The following SLC41A2 variants were observed in gnomAD, a reference collection of about 807,000 sequenced individuals.
SLC41A2 encodes solute carrier family 41 member 2, also known as SLC41A1-like 1.
Under a neutral mutation model 58.3 loss-of-function variants are expected in SLC41A2, and 32 were observed. The observed-to-expected ratio is 0.55, with a 90% CI of 0.41 to 0.74. The LOEUF (loss-of-function observed/expected upper bound fraction) is 0.74, where lower values mean the gene tolerates loss of function less well. Ranked by LOEUF, SLC41A2 falls within the 30% of genes least tolerant of loss-of-function variation. The pLI is 0.00. For synonymous variants in SLC41A2, 190 were observed against 235.0 expected (o/e 0.81, Z 1.75); for missense variants, 514 against 680.6 (o/e 0.76, Z 2.72).
At chr12:104,855,534 C>T (rs1284679614) in intron 8 of SLC41A2, among the ~76,000 whole-genome samples, 1 of 152,162 alleles carries the variant, frequency 6.6e-6, no homozygotes, top group East Asian at 1.9e-4. Context: ...GAGATTCATC[C>T]TTGCTCTTCT....
chr12:104,906,573 A>G (rs139170768), intron 3 of SLC41A2, among the ~76,000 whole-genome samples: 5 of 152,320 alleles, frequency 3.3e-5, no homozygotes, highest in African/African-American at 1.2e-4. Flanking sequence ...ACTTCCAGGT[A>G]TTCCTAAGGA....
At chr12:104,920,535 T>C (rs1396403783) in intron 2 of SLC41A2, among the ~76,000 whole-genome samples, 2 of 151,794 alleles carry the variant, frequency 1.3e-5, no homozygotes, top group African/African-American at 4.8e-5. Context: ...AAAGAGTCGG[T>C]GAGCTATTTG....
intron 6 of SLC41A2, among the ~76,000 whole-genome samples, chr12:104,873,428 A>T (rs900128359): frequency 2.6e-5 from 4 of 152,204 alleles, no homozygotes; most frequent in Non-Finnish European, 5.9e-5. Flanking sequence ...TTACTCATCC[A>T]TCAGGAACAT....
At chr12:104,812,315 A>G (rs1221287198) in intron 10 of SLC41A2, among the ~76,000 whole-genome samples, 1 of 152,264 alleles carries the variant, frequency 6.6e-6, no homozygotes, top group Non-Finnish European at 1.5e-5. Flanking sequence ...TAAATAATGC[A>G]GAATGGTTAG....
At chr12:104,868,941 C>G (rs1363895761) in intron 6 of SLC41A2, among the ~76,000 whole-genome samples, 1 of 151,970 alleles carries the variant, frequency 6.6e-6, no homozygotes. Context: ...TAGGCAAATC[C>G]GAAGAGAAGG....
rs1019695956 is a variant in SLC41A2, at chr12:104,801,918, A to T, written c.*3234T>A. 6.6e-6 allele frequency among the ~76,000 whole-genome samples: 1 copy of T among 152,208 alleles called. No homozygotes were observed. The highest frequency in any genetic ancestry group is 2.4e-5 in the African/African-American group (1 of 41,464). On this transcript the variant is annotated 3_prime_UTR_variant, in exon 11 of 11. Coordinates refer to ENST00000258538, the MANE Select transcript of SLC41A2 (RefSeq NM_001352171.3). Reference sequence around the variant, plus strand: ...ATGTTCTCTAGTTCATCAAGAAGTAAGCATAACAAGACTGGATAATTATTT... The same window carrying T: ...ATGTTCTCTAGTTCATCAAGAAGTATGCATAACAAGACTGGATAATTATTT...
At chr12:104,929,910 T>G (rs182213220) in intron 1 of SLC41A2, among the ~76,000 whole-genome samples, 9 of 152,324 alleles carry the variant, frequency 5.9e-5, no homozygotes, top group African/African-American at 2.2e-4. Context: ...CCTCTCTGGA[T>G]AGGAAGATCA....
intron 10 of SLC41A2, among the ~76,000 whole-genome samples, chr12:104,822,743 C>T (rs898408224): frequency 6.6e-6 from 1 of 151,970 alleles, no homozygotes; most frequent in African/African-American, 2.4e-5. Flanking sequence ...ATTTTGAAAT[C>T]TGTAGGAATT....
At chr12:104,864,104 A>G (rs1028413712) in intron 7 of SLC41A2, among the ~76,000 whole-genome samples, 2 of 152,138 alleles carry the variant, frequency 1.3e-5, no homozygotes, top group African/African-American at 4.8e-5. Context: ...GTACTATAAC[A>G]AAAGCCCAGT....
At chr12:104,958,552 C>T (rs935740324), upstream of SLC41A2, 1 of 152,464 alleles carries the variant, frequency 6.6e-6, no homozygotes, top group Admixed American at 6.5e-5. Context: ...AGGGCTGTGG[C>T]CTCCTTCGGC....
chr12:104,914,347 AT>A (rs2046219912), intron 2 of SLC41A2, among the ~76,000 whole-genome samples: 1 of 152,232 alleles, frequency 6.6e-6, no homozygotes, highest in African/African-American at 2.4e-5. Flanking sequence ...CTAATGGGGT[AT>A]AAGTACCTGT....
chr12:104,804,378 T>C lies in SLC41A2; in HGVS notation c.*774A>G, dbSNP rs1169242064. 2 of 151,886 alleles carry C rather than the reference T, an allele frequency of 1.3e-5. No individual in the cohort carries two copies. The highest frequency in any genetic ancestry group is 4.8e-5 in the African/African-American group (2 of 41,360). The allele number at this position is 151,886 out of a possible 1,614,324, so 9.4% of individuals were successfully genotyped here. A position where few individuals can be genotyped will look rare whatever the true frequency, so the allele number is the denominator to read the frequency against. On this transcript the variant is annotated 3_prime_UTR_variant, in exon 11 of 11. Transcript: ENST00000258538. ...CACACACACACACATTCTCGTACCG[T>C]CTTGTCTCTACAAATGCATCTCAGG... is the stretch of plus-strand genomic sequence containing the variant.
rs753528545 is a variant in SLC41A2 at position 104,881,958 on chromosome 12, T to C, written c.1027+4335A>G. Among the ~76,000 whole-genome samples, 112 of 152,148 alleles carry C rather than the reference T, an allele frequency of 7.4e-4. 1 individual carries two copies. The highest frequency in any genetic ancestry group is 2.1e-4 in the Non-Finnish European group (14 of 68,022). Reference sequence around the variant, plus strand: ...TTATTGTGTGGGAGTCTAAGTCTCTTTGTAGGTCTCTCAGGACTTGCTTTA... The same window carrying C: ...TTATTGTGTGGGAGTCTAAGTCTCTCTGTAGGTCTCTCAGGACTTGCTTTA... On this transcript the variant is annotated intron_variant, in intron 6 of 10. Transcript: ENST00000258538.
chr12:104,947,861 T>C (rs1199049409), intron 1 of SLC41A2, among the ~76,000 whole-genome samples: 1 of 152,196 alleles, frequency 6.6e-6, no homozygotes, highest in African/African-American at 2.4e-5. Flanking sequence ...ATAACATTTT[T>C]ATAATTTACA....
At chr12:104,811,211 C>CA (rs1487253506) in intron 10 of SLC41A2, among the ~76,000 whole-genome samples, 1 of 152,118 alleles carries the variant, frequency 6.6e-6, no homozygotes, top group Non-Finnish European at 1.5e-5. Flanking sequence ...AATTCTTATA[C>CA]AAGCATACTG....
Position 104,958,250 on chromosome 12 carries a change from T to C in SLC41A2, c.-330A>G, listed in dbSNP as rs2048249277. ...CGGCTCCCAGCCCACAGCTCCTTCC[T>C]GCTCCCGCGCCTCCTCGCGCGGCTG... On this transcript the variant is annotated 5_prime_UTR_variant, in exon 1 of 11. Coordinates refer to ENST00000258538, the MANE Select transcript of SLC41A2 (RefSeq NM_001352171.3). 1 of 151,000 alleles carries C rather than the reference T, an allele frequency of 6.6e-6. No homozygotes were observed. The highest frequency in any genetic ancestry group is 2.1e-4 in the South Asian group (1 of 4,846). 9.4% of individuals were successfully genotyped at this position (151,000 alleles called of 1,614,324 possible).
intron 2 of SLC41A2, among the ~76,000 whole-genome samples, chr12:104,910,846 C>G (rs1262442757): frequency 6.6e-6 from 1 of 152,206 alleles, no homozygotes; most frequent in Non-Finnish European, 1.5e-5. Context: ...GCAAAGCTGT[C>G]TCTTGTGGAG....
intron 1 of SLC41A2, among the ~76,000 whole-genome samples, chr12:104,945,240 C>G (rs918902339): frequency 1.8e-4 from 27 of 151,980 alleles, no homozygotes; most frequent in Non-Finnish European, 2.8e-4. Context: ...GTAGTTCACA[C>G]CTGTAATCCC....
At chr12:104,952,274 C>T (rs117287695) in intron 1 of SLC41A2, among the ~76,000 whole-genome samples, 80 of 152,264 alleles carry the variant, frequency 5.3e-4, no homozygotes, top group Non-Finnish European at 1.1e-3. Flanking sequence ...AGGCACTATA[C>T]TAGTTGCCAG....
Sources: allele counts gnomAD v4.1 joint callset (sites outside exome capture counted in the v4.1 genomes callset), GRCh38; gene constraint gnomAD v4.1.1; transcripts MANE v1.5; gene names NCBI Gene and HGNC (gene_info 2026-07-23, HGNC 2026-07-21).